PJA2: variants seen among roughly 807,000 people sequenced by gnomAD.
PJA2 encodes praja ring finger ubiquitin ligase 2, also known as E3 ubiquitin-protein ligase Praja-2.
In PJA2, 25 loss-of-function variants were observed where a neutral mutation model predicts 69.3. The ratio of observed to expected loss-of-function variants is 0.36; its 90% CI spans 0.26 to 0.50. The LOEUF is 0.50. PJA2 is among the 20% of genes least tolerant of loss of function. The pLI is 0.96. For synonymous variants in PJA2, 308 were observed against 277.8 expected, an observed-to-expected ratio of 1.11 and a Z score of -1.08; for missense variants, 809 against 830.2, an observed-to-expected ratio of 0.97 and a Z score of 0.31.
At chr5:109,341,331 G>C (rs1168841117) in intron 9 of PJA2, among the ~76,000 whole-genome samples, 6 of 140,094 alleles carry the variant, frequency 4.3e-5, no homozygotes, top group Non-Finnish European at 9.4e-5. Flanking sequence ...GCCCGGCCGA[G>C]ACCCCGTCTG....
chr5:109,380,392 A>G (rs1393513398), intron 3 of PJA2, among the ~76,000 whole-genome samples: 1 of 152,206 alleles, frequency 6.6e-6, no homozygotes, highest in Non-Finnish European at 1.5e-5. Flanking sequence ...TAGCTGCAAA[A>G]TACTTTTTCA....
At chr5:109,366,961 A>G (rs1762593385) in intron 5 of PJA2, among the ~76,000 whole-genome samples, 1 of 151,756 alleles carries the variant, frequency 6.6e-6, no homozygotes, top group South Asian at 2.1e-4. Flanking sequence ...GTGAAACCCC[A>G]TCTCTACTAA....
intron 7 of PJA2, among the ~76,000 whole-genome samples, chr5:109,353,821 CTA>C (rs1176261579): frequency 1.7e-5 from 2 of 117,434 alleles, no homozygotes; most frequent in African/African-American, 6.3e-5. Context: ...GATTAGATGT[CTA>C]TGATATCTAG....
rs140641646 is a variant in PJA2, at chr5:109,360,977, A to T, written c.1652+1863T>A. Among the ~76,000 whole-genome samples the T allele has an allele frequency of 8.4e-3, 1,276 of 152,032 alleles. 23 individuals are homozygous for T. Among genetic ancestry groups the T allele is most frequent in the African/African-American group, 0.029 (1,189 of 41,492 alleles). ...ACCCTGTCTGTACTGAAAATACACA[A>T]ATTAGCCAGGTGTGGTGGCAGGCGC... On this transcript the variant is annotated intron_variant, in intron 6 of 9. Transcript: ENST00000361189.
chr5:109,389,070 A>G (rs1273570290), intron 1 of PJA2, among the ~76,000 whole-genome samples: 1 of 152,206 alleles, frequency 6.6e-6, no homozygotes, highest in Non-Finnish European at 1.5e-5. Context: ...TCACTGGATT[A>G]TTCTTTTACC....
chr5:109,386,606 G>A (rs538043890), intron 1 of PJA2, among the ~76,000 whole-genome samples: 15 of 152,052 alleles, frequency 9.9e-5, no homozygotes, highest in Admixed American at 2.0e-4. Context: ...TGTACTACCC[G>A]CTCAGGTTAA....
intron 5 of PJA2, among the ~76,000 whole-genome samples, chr5:109,367,042 G>T (rs1045365414): frequency 4.6e-5 from 7 of 151,330 alleles, no homozygotes; most frequent in South Asian, 4.2e-4. Flanking sequence ...TGAGGCAGGA[G>T]AATCACTTGA....
rs780734198 is a variant in PJA2, at chr5:109,378,640, G to A, written c.847C>T (p.Pro283Ser). ...TSQERQTEHS[P>S]EDAACGPGHI... ...CCTGGACCACAGGCTGCATCTTCAGGTGAATGTTCTGTCTGTCTTTCCTGG... is the reference window on the plus strand; with the variant it reads ...CCTGGACCACAGGCTGCATCTTCAGATGAATGTTCTGTCTGTCTTTCCTGG... Residue 283 changes from proline to serine, a missense_variant, in exon 4 of 10, where the codon CCT (proline) becomes TCT (serine). Pro to Ser is a moderately conservative substitution (Grantham distance 74). Around this residue, in one of 4 missense-constraint regions of PJA2, gnomAD observed 700 missense variants for 639.5 expected, o/e 1.09. Transcript: ENST00000361189. The A allele has an allele frequency of 1.2e-6, 2 of 1,613,940 alleles. No homozygotes were observed. Among genetic ancestry groups the A allele is most frequent in the Non-Finnish European group, 1.7e-6 (2 of 1,180,012 alleles).
Position 109,339,396 on chromosome 5 carries a change from C to G in PJA2, c.2002-2040G>C, listed in dbSNP as rs556008078. On this transcript the variant is annotated intron_variant, in intron 9 of 9. Transcript: ENST00000361189. ...AAGCCCTGACTTGACCACTACATAA[C>G]CTATGCATGTAACAAAGTTGCACAT... is the stretch of plus-strand genomic sequence containing the variant. 2.6e-5 allele frequency among the ~76,000 whole-genome samples: 4 copies of G among 152,196 alleles called. No individual in the cohort carries two copies. The South Asian group carries it at 6.2e-4, about 24-fold the overall frequency.
chr5:109,394,984 T>G (rs1397940298), intron 1 of PJA2, among the ~76,000 whole-genome samples: 1 of 152,170 alleles, frequency 6.6e-6, no homozygotes, highest in African/African-American at 2.4e-5. Flanking sequence ...TCATTAGATT[T>G]GTGGCTGCAA....
intron 1 of PJA2, among the ~76,000 whole-genome samples, chr5:109,400,846 G>C (rs1747526615): frequency 6.6e-6 from 1 of 152,094 alleles, no homozygotes; most frequent in Non-Finnish European, 1.5e-5. Context: ...AGCCAGGCAT[G>C]GTTGCGGGTG....
At chr5:109,388,891 C>T (rs1457358527) in intron 1 of PJA2, among the ~76,000 whole-genome samples, 1 of 151,990 alleles carries the variant, frequency 6.6e-6, no homozygotes, top group Non-Finnish European at 1.5e-5. Context: ...CTTAGACACA[C>T]GGAATTTTGA....
chr5:109,351,664 GAC>G (rs1297099513), intron 7 of PJA2, among the ~76,000 whole-genome samples: 1 of 151,816 alleles, frequency 6.6e-6, no homozygotes, highest in African/African-American at 2.4e-5. Flanking sequence ...TCAAATTAGA[GAC>G]ACAGATATAA....
Position 109,335,285 on chromosome 5 carries a change from T to C in PJA2, c.*1946A>G, listed in dbSNP as rs1761919395. 6.6e-6 allele frequency: 1 copy of C among 152,644 alleles called. No individual in the cohort carries two copies. Among genetic ancestry groups the C allele is most frequent in the Non-Finnish European group, 1.5e-5 (1 of 68,030 alleles). The allele number at this position is 152,644 out of a possible 1,614,324, so 9.5% of individuals were successfully genotyped here. A position where few individuals can be genotyped will look rare whatever the true frequency, so the allele number is the denominator to read the frequency against. The stretch of plus-strand genomic sequence containing the variant: ...TTTATAGATAGTAGGGAGCCAAGAA[T>C]GAAGGACAGTAACAGATGGAAAGCA... On this transcript the variant is annotated 3_prime_UTR_variant, in exon 10 of 10. Transcript: ENST00000361189.
intron 1 of PJA2, among the ~76,000 whole-genome samples, chr5:109,405,795 CTAAGAG>C (rs1004484676): frequency 1.1e-4 from 16 of 152,000 alleles, no homozygotes; most frequent in Admixed American, 1.0e-3. Flanking sequence ...TAGAAAAATC[CTAAGAG>C]TAAATCTGCA....
At chr5:109,407,008 G>A (rs1212488351) in intron 1 of PJA2, among the ~76,000 whole-genome samples, 1 of 152,166 alleles carries the variant, frequency 6.6e-6, no homozygotes, top group Non-Finnish European at 1.5e-5. Context: ...AGAAAAAGAT[G>A]ATAAGTGCTT....
intron 9 of PJA2, 47 bp from the exon 10 acceptor site, chr5:109,337,403 C>T (rs777132948): frequency 1.8e-5 from 27 of 1,524,724 alleles, no homozygotes; most frequent in African/African-American, 2.9e-5. Context: ...ATCTTAACTG[C>T]CACACAAGTA....
intron 4 of PJA2, among the ~76,000 whole-genome samples, chr5:109,370,439 C>G (rs1762658390): frequency 6.6e-6 from 1 of 152,112 alleles, no homozygotes; most frequent in South Asian, 2.1e-4. Flanking sequence ...AATCTAAGCT[C>G]TGAGAAGTTT....
At chr5:109,347,087 A>G (rs1167980419) in intron 7 of PJA2, among the ~76,000 whole-genome samples, 2 of 152,224 alleles carry the variant, frequency 1.3e-5, no homozygotes, top group African/African-American at 4.8e-5. Flanking sequence ...AAAAAAGGAA[A>G]AAGCAAAACG....
Sources: allele counts gnomAD v4.1 joint callset (sites outside exome capture counted in the v4.1 genomes callset), GRCh38; gene constraint gnomAD v4.1.1; regional missense constraint gnomAD v4.1.1; transcripts MANE v1.5; gene names NCBI Gene and HGNC (gene_info 2026-07-23, HGNC 2026-07-21).